CTBP1: variants seen among roughly 807,000 people sequenced by gnomAD.
CTBP1 encodes C-terminal-binding protein 1.
Under a neutral mutation model 42.1 loss-of-function variants are expected in CTBP1, and 11 were observed. The ratio of observed to expected loss-of-function variants is 0.26; its 90% CI spans 0.16 to 0.43. The LOEUF is 0.43. Among genes scored for constraint, CTBP1 ranks in the 20% least tolerant of loss-of-function variants. The pLI, the probability that CTBP1 is intolerant of heterozygous loss-of-function variation, is 1.00. For missense variants in CTBP1, 399 were observed against 624.3 expected (o/e 0.64, Z 3.85); for synonymous variants, 324 against 277.1 (o/e 1.17, Z -1.68).
rs759874509 is a variant in CTBP1, at chr4:1,225,585, G to A, written c.308-19C>T. 3.0e-5 allele frequency: 46 copies of A among 1,535,492 alleles called. No individual in the cohort carries two copies. The South Asian group carries it at 4.4e-4, about 15-fold the overall frequency. On this transcript the variant is annotated intron_variant, in intron 4 of 9. Transcript: ENST00000382952. Reference sequence around the variant, plus strand: ...GCAATGCCTGTGGGGACAAGGACACGGCGGTCACCCCCGGGCCGGGCCCAG... The same window carrying A: ...GCAATGCCTGTGGGGACAAGGACACAGCGGTCACCCCCGGGCCGGGCCCAG...
intron 5 of CTBP1, among the ~76,000 whole-genome samples, chr4:1,223,927 C>T (rs941654820): frequency 6.6e-6 from 1 of 152,236 alleles, no homozygotes; most frequent in Admixed American, 6.5e-5. Flanking sequence ...AGTGCTGGGC[C>T]CAGGATAGGC....
At position 1,244,604 on chromosome 4, in the gene CTBP1, T is replaced by C. The variant is rs993911547; in HGVS notation, c.-188-3085A>G. On this transcript the variant is annotated intron_variant, in intron 1 of 9. Coordinates refer to ENST00000382952, the MANE Select transcript of CTBP1 (RefSeq NM_001012614.2). ...CTCCTCCTCACCAACCCCATCTTCTTCCCCCTCCCCACAGCAGCCCCTAAA... is the reference window on the plus strand; with the variant it reads ...CTCCTCCTCACCAACCCCATCTTCTCCCCCCTCCCCACAGCAGCCCCTAAA... The C allele has an allele frequency of 1.2e-5, 12 of 984,718 alleles. No homozygotes were observed. The African/African-American group carries it at 1.9e-4, about 16-fold the overall frequency. The allele number at this position is 984,718 out of a possible 1,614,324, so 61.0% of individuals were successfully genotyped here.
chr4:1,222,995 C>T (rs576337754), intron 5 of CTBP1, among the ~76,000 whole-genome samples: 1 of 152,296 alleles, frequency 6.6e-6, no homozygotes, highest in South Asian at 2.1e-4. Context: ...CCTGTGGCTG[C>T]AGGACAGGCG....
At chr4:1,219,484 C>A (rs1462882665) in intron 5 of CTBP1, among the ~76,000 whole-genome samples, 1 of 152,214 alleles carries the variant, frequency 6.6e-6, no homozygotes, top group African/African-American at 2.4e-5. Flanking sequence ...CACAAAAAGA[C>A]CAACAGGAAA....
intron 1 of CTBP1, chr4:1,244,626 T>G: frequency 1.0e-6 from 1 of 985,132 alleles, no homozygotes; most frequent in South Asian, 4.7e-5. Context: ...CAGCAGCCCC[T>G]AAAGCCGCTG....
Position 1,213,621 on chromosome 4 carries a change from G to C in CTBP1, c.861-16C>G. ...CTGGCTAAAGCTGGGAACAGCACAGGCATGGTCAGTGCAGCCTGAGTGCTG... is the reference window on the plus strand; with the variant it reads ...CTGGCTAAAGCTGGGAACAGCACAGCCATGGTCAGTGCAGCCTGAGTGCTG... On this transcript the variant is annotated splice_polypyrimidine_tract_variant and intron_variant, in intron 7 of 9. Transcript: ENST00000382952. 4 of 1,611,624 alleles carry C rather than the reference G, an allele frequency of 2.5e-6. No individual in the cohort carries two copies. Among genetic ancestry groups the C allele is most frequent in the Non-Finnish European group, 3.4e-6 (4 of 1,179,508 alleles).
At chr4:1,214,152 G>C (rs530972701) in intron 7 of CTBP1, 191 bp downstream of exon 7, 1 of 695,440 alleles carries the variant, frequency 1.4e-6, no homozygotes, top group South Asian at 2.4e-5. Context: ...TCACAGGACC[G>C]AGGCAAGGCA....
At position 1,235,050 on chromosome 4, in the gene CTBP1, A is replaced by C. The variant is rs920468573; in HGVS notation, c.162+3133T>G. On this transcript the variant is annotated intron_variant, in intron 3 of 9. Transcript: ENST00000382952. This position sits in a 1 kb window ranked among gnomAD's most constrained non-coding sequence, Gnocchi z 4.2. ...CGCCATCATGCTGCCGAGATCACCC[A>C]GGGTGTGGCAGGGACCCAGCGTTCA... 1 of 152,198 alleles carries C rather than the reference A, an allele frequency of 6.6e-6. No individual in the cohort carries two copies. The allele number at this position is 152,198 out of a possible 1,614,324, so 9.4% of individuals were successfully genotyped here. A position where few individuals can be genotyped will look rare whatever the true frequency, so the allele number is the denominator to read the frequency against.
chr4:1,236,310 G>A (rs1017857133), intron 3 of CTBP1: 1 of 367,188 alleles, frequency 2.7e-6, no homozygotes, highest in East Asian at 5.6e-5. Flanking sequence ...AGGAGCCTGT[G>A]GGTCTCCTGA....
intron 5 of CTBP1, among the ~76,000 whole-genome samples, chr4:1,223,815 G>A (rs1020287658): frequency 3.9e-5 from 6 of 152,012 alleles, no homozygotes; most frequent in East Asian, 1.9e-4. Context: ...TCTCACACAC[G>A]CACACACACA....
intron 7 of CTBP1, 45 bp downstream of exon 7, chr4:1,214,298 G>A (rs1728867471): frequency 4.6e-6 from 7 of 1,507,802 alleles, no homozygotes; most frequent in South Asian, 1.3e-5. Context: ...CCGGCAGGAT[G>A]GTGGACAGGG....
In CTBP1 at chr4:1,241,377, A is replaced by T; in HGVS notation, c.-46T>A. 8.8e-7 allele frequency: 1 copy of T among 1,136,772 alleles called. No individual in the cohort carries two copies. Among genetic ancestry groups the T allele is most frequent in the Non-Finnish European group, 1.3e-6 (1 of 743,520 alleles). 70.4% of individuals were successfully genotyped at this position (1,136,772 alleles called of 1,614,324 possible). ...TCCACGACCATGAATTCGACTTTTC[A>T]AAGCTTTTTATCTTCAGGATCCCCA... On this transcript the variant is annotated 5_prime_UTR_variant, in exon 2 of 10. Coordinates refer to ENST00000382952, the MANE Select transcript of CTBP1 (RefSeq NM_001012614.2).
chr4:1,222,040 C>T lies in CTBP1; in HGVS notation c.514+3320G>A, dbSNP rs143782835. ...CACATTCCTGTAGCCACCACACACG[C>T]GGATTCCACGCTAAGAACAACCCAG... On this transcript the variant is annotated intron_variant, in intron 5 of 9. Transcript: ENST00000382952. 1.8e-3 allele frequency among the ~76,000 whole-genome samples: 275 copies of T among 152,290 alleles called. 1 individual carries two copies. Among genetic ancestry groups the T allele is most frequent in the African/African-American group, 5.7e-3 (238 of 41,556 alleles).
rs1234269129 is a variant in CTBP1 at position 1,211,865 on chromosome 4, CAA to C, written c.*373_*374del. The C allele has an allele frequency of 2.2e-4, 25 of 112,210 alleles. No individual in the cohort carries two copies. Among genetic ancestry groups the C allele is most frequent in the East Asian group, 4.7e-4 (2 of 4,226 alleles). 7.0% of individuals were successfully genotyped at this position (112,210 alleles called of 1,614,324 possible). ...TCATTCTGGGGCACGTTCCAACATA[CAA>C]AAAAAAAAAAAACAAAAAAAAAAAC... On this transcript the variant is annotated 3_prime_UTR_variant, in exon 10 of 10. Transcript: ENST00000382952.
chr4:1,232,720 G>C (rs573364263), intron 3 of CTBP1, among the ~76,000 whole-genome samples: 1 of 152,186 alleles, frequency 6.6e-6, no homozygotes. Flanking sequence ...ATAACCTCAG[G>C]TAATAAACAC....
rs1461745121 is a variant in CTBP1 at position 1,238,083 on chromosome 4, G to A, written c.162+100C>T. 6.7e-7 allele frequency: 1 copy of A among 1,496,846 alleles called. No homozygotes were observed. Among genetic ancestry groups the A allele is most frequent in the South Asian group, 1.1e-5 (1 of 88,902 alleles). The allele number at this position is 1,496,846 out of a possible 1,614,324, so 92.7% of individuals were successfully genotyped here. A position where few individuals can be genotyped will look rare whatever the true frequency, so the allele number is the denominator to read the frequency against. On this transcript the variant is annotated intron_variant, in intron 3 of 9. Transcript: ENST00000382952. This position sits in a 1 kb window ranked among gnomAD's most constrained non-coding sequence, Gnocchi z 5.9. The stretch of plus-strand genomic sequence containing the variant: ...GGACAGAGGCTGCTCCTGCCCCAGT[G>A]GCACCCAGACCTGCTGTGGCCCGGG...
chr4:1,242,521 C>G, intron 1 of CTBP1: 1 of 985,094 alleles, frequency 1.0e-6, no homozygotes, highest in Non-Finnish European at 1.2e-6. Context: ...CTCCAACCCT[C>G]AACTCCCTCT....
intron 4 of CTBP1, among the ~76,000 whole-genome samples, chr4:1,227,493 T>A (rs552589812): frequency 1.5e-4 from 22 of 149,450 alleles, no homozygotes; most frequent in South Asian, 2.1e-4. Flanking sequence ...TGAGTGCATG[T>A]GCACGGGTGC....
At chr4:1,248,248 G>C (rs563371556) in intron 1 of CTBP1, among the ~76,000 whole-genome samples, 5 of 151,880 alleles carry the variant, frequency 3.3e-5, no homozygotes, top group African/African-American at 1.2e-4. Context: ...GCGCTGGGCC[G>C]GTCCGGGACC....
Sources: allele counts gnomAD v4.1 joint callset (sites outside exome capture counted in the v4.1 genomes callset), GRCh38; gene constraint gnomAD v4.1.1; non-coding constraint Gnocchi (gnomAD v3.1); transcripts MANE v1.5; gene names NCBI Gene and HGNC (gene_info 2026-07-23, HGNC 2026-07-21).